NINJ2: variants seen among roughly 807,000 people sequenced by gnomAD.
The protein encoded by NINJ2 is ninjurin-2.
NINJ2 carries 12 observed loss-of-function variants against 11.7 expected under a neutral mutation model. The observed-to-expected ratio is 1.02, with a 90% CI of 0.66 to 1.66. NINJ2 has a LOEUF of 1.66. NINJ2 is among the 40% of genes most tolerant of loss of function. The pLI, the probability that NINJ2 is intolerant of heterozygous loss-of-function variation, is 0.00. For missense variants in NINJ2, 187 were observed against 181.8 expected (o/e 1.03, Z -0.16); for synonymous variants, 93 against 76.8 (o/e 1.21, Z -1.10).
At chr12:578,425 C>G (rs1288050318) in intron 1 of NINJ2, among the ~76,000 whole-genome samples, 1 of 152,140 alleles carries the variant, frequency 6.6e-6, no homozygotes, top group Non-Finnish European at 1.5e-5. Context: ...CTCAAGGGAT[C>G]CTCTTGCCAT....
At chr12:611,390 T>G (rs1461989100) in intron 1 of NINJ2, among the ~76,000 whole-genome samples, 1 of 151,908 alleles carries the variant, frequency 6.6e-6, no homozygotes. Flanking sequence ...CAGGCTGGAG[T>G]GCAGTGGCAC....
chr12:625,729 A>G (rs2120402301), intron 1 of NINJ2, among the ~76,000 whole-genome samples: 1 of 152,324 alleles, frequency 6.6e-6, no homozygotes, highest in Non-Finnish European at 1.5e-5. Flanking sequence ...AGCTTGGTCC[A>G]CCATGTGGAA....
intron 1 of NINJ2, among the ~76,000 whole-genome samples, chr12:624,808 CAAA>C (rs11371283): frequency 1.5e-5 from 2 of 129,700 alleles, no homozygotes; most frequent in Non-Finnish European, 3.2e-5. Flanking sequence ...GACTCCATCT[CAAA>C]AAAAAAAAAA....
intron 1 of NINJ2, among the ~76,000 whole-genome samples, chr12:599,830 C>T (rs539942242): frequency 1.3e-5 from 2 of 152,266 alleles, no homozygotes; most frequent in Admixed American, 1.3e-4. Flanking sequence ...CACATTCCTC[C>T]CCGAGATGCC....
intron 1 of NINJ2, among the ~76,000 whole-genome samples, chr12:636,394 A>AATAC (rs797001123): frequency 4.8e-3 from 57 of 11,810 alleles, no homozygotes; most frequent in African/African-American, 6.4e-3. Flanking sequence ...TAAATAAATA[A>AATAC]ATAGATAAAT....
intron 1 of NINJ2, among the ~76,000 whole-genome samples, chr12:596,055 G>A (rs1410555488): frequency 1.3e-5 from 2 of 152,154 alleles, no homozygotes; most frequent in African/African-American, 4.8e-5. Context: ...GTTCATTGCT[G>A]GTGGGAATGC....
rs142270523 is a variant in NINJ2 at position 565,365 on chromosome 12, C to A, written c.299G>T (p.Arg100Leu). 3.1e-6 allele frequency: 5 copies of A among 1,614,034 alleles called. No homozygotes were observed. The African/African-American group carries it at 6.7e-5, about 22-fold the overall frequency. Residue 100 changes from arginine to leucine, a missense_variant, in exon 3 of 4, where the codon CGA (arginine) becomes CTA (leucine). Arg to Leu is a moderately radical substitution (Grantham distance 102, BLOSUM62 -2). Transcript: ENST00000305108. ...LNLNEVEKQWRLNQLNNAATI... is the reference protein window; with the variant it reads ...LNLNEVEKQWLLNQLNNAATI... ...GGCTGCGTTGTTGAGCTGGTTGAGT[C>A]GCCACTGCTTTTCTACCTCATTCAG...
intron 1 of NINJ2, among the ~76,000 whole-genome samples, chr12:576,518 A>G (rs1303986733): frequency 6.6e-6 from 1 of 152,226 alleles, no homozygotes; most frequent in Non-Finnish European, 1.5e-5. Context: ...TTCTTGGGGC[A>G]GGCCCTTGCT....
At chr12:587,519 G>C (rs1304657712) in intron 1 of NINJ2, among the ~76,000 whole-genome samples, 5 of 152,256 alleles carry the variant, frequency 3.3e-5, no homozygotes, top group African/African-American at 1.2e-4. Flanking sequence ...GAGGACTGAA[G>C]TCCCTTTCTT....
At chr12:639,194 C>A (rs929214866) in intron 1 of NINJ2, among the ~76,000 whole-genome samples, 2 of 152,048 alleles carry the variant, frequency 1.3e-5, no homozygotes, top group Non-Finnish European at 2.9e-5. Flanking sequence ...CCTGTATTTT[C>A]CCTTTCAAAA....
chr12:582,800 CGCAG>C (rs1947575576), intron 1 of NINJ2, among the ~76,000 whole-genome samples: 1 of 73,824 alleles, frequency 1.4e-5, no homozygotes, highest in African/African-American at 6.2e-5. Flanking sequence ...AATGAATGGA[CGCAG>C]GCAGGCAGGC....
At chr12:646,203 A>C (rs940646514) in intron 1 of NINJ2, among the ~76,000 whole-genome samples, 7 of 152,086 alleles carry the variant, frequency 4.6e-5, no homozygotes, top group African/African-American at 1.4e-4. Flanking sequence ...GCTCCCCTCC[A>C]TCCTACCTGC....
At chr12:650,117 CT>C (rs1468769142) in intron 1 of NINJ2, among the ~76,000 whole-genome samples, 2 of 149,066 alleles carry the variant, frequency 1.3e-5, no homozygotes, top group African/African-American at 2.5e-5. Flanking sequence ...TAGAGTCTCA[CT>C]TTGTTCCCCA....
At chr12:589,804 A>G (rs1197219512) in intron 1 of NINJ2, among the ~76,000 whole-genome samples, 1 of 149,770 alleles carries the variant, frequency 6.7e-6, no homozygotes, top group Non-Finnish European at 1.5e-5. Context: ...TGCTCTCAAG[A>G]AACTTCTGGA....
chr12:577,448 T>TATACACATATA, intron 1 of NINJ2, among the ~76,000 whole-genome samples: 1 of 141,944 alleles, frequency 7.0e-6, no homozygotes, highest in African/African-American at 2.6e-5. Context: ...TATATAAATA[T>TATACACATATA]TTTGGCACGA....
At chr12:607,361 GAT>G (rs1344030693) in intron 1 of NINJ2, among the ~76,000 whole-genome samples, 11 of 151,984 alleles carry the variant, frequency 7.2e-5, no homozygotes, top group Non-Finnish European at 1.6e-4. Flanking sequence ...GGATGATGAT[GAT>G]GATGATGATG....
chr12:591,865 G>T lies in NINJ2; in HGVS notation c.34-25687C>A, dbSNP rs1947720567. 6.6e-6 allele frequency among the ~76,000 whole-genome samples: 1 copy of T among 152,178 alleles called. No homozygotes were observed. Among genetic ancestry groups the T allele is most frequent in the South Asian group, 2.1e-4 (1 of 4,828 alleles). ...GCCTTCTGAAAGAGTGACGTGGCCGGCGGCAGGTATGGTGTGTGACTTAAC... is the reference window on the plus strand; with the variant it reads ...GCCTTCTGAAAGAGTGACGTGGCCGTCGGCAGGTATGGTGTGTGACTTAAC... On this transcript the variant is annotated intron_variant, in intron 1 of 3. Coordinates refer to ENST00000305108, the MANE Select transcript of NINJ2 (RefSeq NM_016533.6). The surrounding 1 kb of genome is among the most constrained non-coding windows in gnomAD (Gnocchi z 5.0).
At chr12:604,385 C>T (rs1947910828) in intron 1 of NINJ2, among the ~76,000 whole-genome samples, 1 of 152,184 alleles carries the variant, frequency 6.6e-6, no homozygotes, top group Admixed American at 6.5e-5. Flanking sequence ...CGCCTGTAAT[C>T]CCAGCACTTT....
At chr12:613,433 C>A (rs372971729) in intron 1 of NINJ2, among the ~76,000 whole-genome samples, 4 of 151,806 alleles carry the variant, frequency 2.6e-5, no homozygotes, top group African/African-American at 9.7e-5. Context: ...TATGGTGAAA[C>A]CCCATCTCTA....
Sources: allele counts gnomAD v4.1 joint callset (sites outside exome capture counted in the v4.1 genomes callset), GRCh38; gene constraint gnomAD v4.1.1; non-coding constraint Gnocchi (gnomAD v3.1); transcripts MANE v1.5; gene names NCBI Gene and HGNC (gene_info 2026-07-23, HGNC 2026-07-21).